INPP4A: variants seen among roughly 807,000 people sequenced by gnomAD.
The protein encoded by INPP4A is inositol polyphosphate-4-phosphatase, type I, 107kD.
In INPP4A, 33 loss-of-function variants were observed where a neutral mutation model predicts 119.8. That is an observed-to-expected ratio of 0.28 (90% CI 0.21 to 0.37). The LOEUF (loss-of-function observed/expected upper bound fraction) is 0.37, where lower values mean the gene tolerates loss of function less well. Ranked by LOEUF, INPP4A falls within the 10% of genes least tolerant of loss-of-function variation. INPP4A has a pLI of 1.00. For missense variants in INPP4A, 956 were observed against 1,289.9 expected (o/e 0.74, Z 3.97); for synonymous variants, 496 against 500.7 (o/e 0.99, Z 0.12).
chr2:98,575,507 T>C (rs958527796), intron 23 of INPP4A, among the ~76,000 whole-genome samples: 1 of 152,230 alleles, frequency 6.6e-6, no homozygotes, highest in African/African-American at 2.4e-5. Flanking sequence ...TAGCTTAGGG[T>C]CTGCTTATCT....
chr2:98,529,865 T>TAA (rs1247163160), intron 4 of INPP4A, among the ~76,000 whole-genome samples: 1 of 152,220 alleles, frequency 6.6e-6, no homozygotes, highest in Non-Finnish European at 1.5e-5. Flanking sequence ...AAACTCTTAT[T>TAA]AAATCTGTGA....
intron 24 of INPP4A, among the ~76,000 whole-genome samples, chr2:98,579,268 C>G (rs1482984932): frequency 6.6e-6 from 1 of 152,138 alleles, no homozygotes; most frequent in South Asian, 2.1e-4. Context: ...CCGGGATGTT[C>G]TCAAACTCCT....
chr2:98,494,652 GTAAT>G (rs1237425900), intron 1 of INPP4A, among the ~76,000 whole-genome samples: 1 of 150,920 alleles, frequency 6.6e-6, no homozygotes, highest in Non-Finnish European at 1.5e-5. Context: ...GAGTTTGGTG[GTAAT>G]TAATAAGAGG....
chr2:98,577,452 TG>T (rs1476687317), intron 24 of INPP4A, among the ~76,000 whole-genome samples: 1 of 152,242 alleles, frequency 6.6e-6, no homozygotes, highest in African/African-American at 2.4e-5. Flanking sequence ...AGCCATGACA[TG>T]CAGTGCCCTG....
intron 1 of INPP4A, among the ~76,000 whole-genome samples, chr2:98,516,201 C>G (rs999625349): frequency 6.6e-6 from 1 of 152,154 alleles, no homozygotes; most frequent in Non-Finnish European, 1.5e-5. Context: ...GAAGAGAAAT[C>G]GAGTTCAGCT....
intron 24 of INPP4A, among the ~76,000 whole-genome samples, chr2:98,582,985 C>G (rs1158878807): frequency 1.3e-5 from 2 of 151,920 alleles, no homozygotes; most frequent in Non-Finnish European, 2.9e-5. Context: ...CTGCACACAC[C>G]AGACACAGAT....
chr2:98,446,686 T>A (rs3754893), intron 1 of INPP4A, among the ~76,000 whole-genome samples: 36,933 of 152,128 alleles, frequency 0.24, 4,635 homozygotes, highest in Middle Eastern at 0.35. Context: ...TTACTCATCA[T>A]GTAGCTACTT....
At position 98,546,474 on chromosome 2, in the gene INPP4A, G is replaced by A. The variant is rs1282873806; in HGVS notation, c.1055-112G>A. The A allele has an allele frequency of 4.2e-5, 30 of 708,946 alleles. No homozygotes were observed. The East Asian group carries it at 7.1e-4, about 17-fold the overall frequency. 43.9% of individuals were successfully genotyped at this position (708,946 alleles called of 1,614,324 possible). On this transcript the variant is annotated intron_variant, in intron 12 of 24. Coordinates refer to ENST00000409851, the MANE Select transcript of INPP4A (RefSeq NM_001134225.2). The surrounding 1 kb of genome is among the most constrained non-coding windows in gnomAD (Gnocchi z 4.2). Reference sequence around the variant, plus strand: ...TGTGGGATCAGGGGAACCAAAGGCTGTACAGCAGTGGGCTGGAGGGTCAGG... The same window carrying A: ...TGTGGGATCAGGGGAACCAAAGGCTATACAGCAGTGGGCTGGAGGGTCAGG...
intron 11 of INPP4A, among the ~76,000 whole-genome samples, chr2:98,544,672 T>G (rs932282117): frequency 2.6e-5 from 4 of 152,264 alleles, no homozygotes; most frequent in African/African-American, 9.6e-5. Context: ...ATATATTGCT[T>G]TAGCATTTTG....
intron 1 of INPP4A, among the ~76,000 whole-genome samples, chr2:98,466,036 G>C (rs1271987385): frequency 1.3e-5 from 2 of 151,894 alleles, no homozygotes; most frequent in Non-Finnish European, 2.9e-5. Flanking sequence ...TTTTTGTTTT[G>C]TTTTGTTTTT....
intron 7 of INPP4A, 40 bp from the exon 8 acceptor site, chr2:98,537,823 A>C: frequency 7.0e-7 from 1 of 1,436,642 alleles, no homozygotes; most frequent in Non-Finnish European, 9.7e-7. Context: ...AAAGAAGCAC[A>C]GTTGCAGCAC....
chr2:98,565,064 C>T (rs1696183270), intron 19 of INPP4A, among the ~76,000 whole-genome samples: 1 of 152,220 alleles, frequency 6.6e-6, no homozygotes, highest in Admixed American at 6.5e-5. Context: ...GGGCCTGTTT[C>T]TGCAGCTACT....
chr2:98,474,915 A>G (rs1676889556), intron 1 of INPP4A, among the ~76,000 whole-genome samples: 1 of 152,168 alleles, frequency 6.6e-6, no homozygotes, highest in Non-Finnish European at 1.5e-5. Flanking sequence ...CAGCTTTGTT[A>G]AAGATGAAGA....
At chr2:98,501,504 G>A (rs1683112072) in intron 1 of INPP4A, among the ~76,000 whole-genome samples, 1 of 152,178 alleles carries the variant, frequency 6.6e-6, no homozygotes, top group East Asian at 1.9e-4. Flanking sequence ...CTTGCTGGTT[G>A]TACACAGAAT....
chr2:98,463,183 T>G (rs991792196), intron 1 of INPP4A, among the ~76,000 whole-genome samples: 4 of 152,234 alleles, frequency 2.6e-5, no homozygotes, highest in African/African-American at 4.8e-5. Flanking sequence ...TGAGTGAGGC[T>G]TGTCAAAGCT....
chr2:98,495,966 T>C (rs572911493), intron 1 of INPP4A, among the ~76,000 whole-genome samples: 2 of 152,158 alleles, frequency 1.3e-5, no homozygotes, highest in Non-Finnish European at 2.9e-5. Flanking sequence ...TGGAGTAAAA[T>C]ATTTTGATTT....
rs868390483 is a variant in INPP4A at position 98,554,430 on chromosome 2, C to G, written c.1507C>G (p.Arg503Gly). ...LRNDQDTLMA[R>G]WTGRNSRSSL... ...AAATGACCAGGACACCCTCATGGCC[C>G]GGTGGACAGGGAGAAACAGCCGATC... Residue 503 changes from arginine (R) to glycine (G), a missense_variant, in exon 15 of 25, where the codon CGG becomes GGG. Arg to Gly is a moderately radical substitution (Grantham distance 125). This residue lies in a region of INPP4A where 652 missense variants were observed against 797.9 expected (regional missense o/e 0.82). Transcript: ENST00000409851. The surrounding 1 kb of genome is among the most constrained non-coding windows in gnomAD (Gnocchi z 4.7). 6.2e-7 allele frequency: 1 copy of G among 1,613,914 alleles called. No homozygotes were observed.
intron 1 of INPP4A, among the ~76,000 whole-genome samples, chr2:98,460,619 G>A (rs1171149796): frequency 2.0e-5 from 3 of 152,194 alleles, no homozygotes; most frequent in Non-Finnish European, 4.4e-5. Context: ...AATAATGCCT[G>A]TGCTCTAACC....
chr2:98,525,981 T>C (rs1688111201), intron 4 of INPP4A, among the ~76,000 whole-genome samples: 1 of 152,226 alleles, frequency 6.6e-6, no homozygotes, highest in African/African-American at 2.4e-5. Flanking sequence ...AATGAAAAAG[T>C]GTTCACAAAA....
Sources: gnomAD v4.1 joint callset for allele counts (sites outside exome capture counted in the v4.1 genomes callset) on GRCh38, gnomAD v4.1.1 for gene constraint, gnomAD v4.1.1 regional missense constraint, Gnocchi (gnomAD v3.1) non-coding constraint, MANE v1.5 for transcripts, NCBI Gene and HGNC (gene_info 2026-07-23, HGNC 2026-07-21) for gene names.